The following PRKAG2 variants were observed in gnomAD, a reference collection of about 807,000 sequenced individuals.
PRKAG2 encodes protein kinase AMP-activated non-catalytic subunit gamma 2.
Under a neutral mutation model 69.6 loss-of-function variants are expected in PRKAG2, and 26 were observed. The observed-to-expected ratio is 0.37, with a 90% CI of 0.27 to 0.52. The LOEUF (loss-of-function observed/expected upper bound fraction) is 0.52. Among genes scored for constraint, PRKAG2 ranks in the 20% least tolerant of loss-of-function variants. The probability of loss-of-function intolerance (pLI) is 0.90; values close to 1 mark genes in which losing one functional copy is unlikely to be tolerated. For missense variants in PRKAG2, 557 were observed against 740.0 expected, an observed-to-expected ratio of 0.75 and a Z score of 2.87; for synonymous variants, 293 against 285.0, an observed-to-expected ratio of 1.03 and a Z score of -0.28.
intron 2 of PRKAG2, among the ~76,000 whole-genome samples, chr7:151,785,306 A>G (rs968064623): frequency 1.3e-5 from 2 of 152,224 alleles, no homozygotes; most frequent in Admixed American, 6.5e-5. Context: ...GGTTTTGCAG[A>G]GTCAAACAGG....
intron 1 of PRKAG2, among the ~76,000 whole-genome samples, chr7:151,865,359 C>G (rs1422257024): frequency 6.6e-6 from 1 of 152,262 alleles, no homozygotes; most frequent in Non-Finnish European, 1.5e-5. Flanking sequence ...CAAGCCAGCC[C>G]CAACCACGAG....
chr7:151,707,000 AGAG>A (rs1300470664), intron 3 of PRKAG2, among the ~76,000 whole-genome samples: 3 of 152,244 alleles, frequency 2.0e-5, no homozygotes, highest in African/African-American at 7.2e-5. Context: ...GCAGTCATGC[AGAG>A]GAGGCCTTCC....
At chr7:151,701,022 C>G (rs1304394367) in intron 3 of PRKAG2, among the ~76,000 whole-genome samples, 1 of 152,204 alleles carries the variant, frequency 6.6e-6, no homozygotes, top group Non-Finnish European at 1.5e-5. Flanking sequence ...GTGCTGCACA[C>G]ACGAGCACCC....
intron 4 of PRKAG2, among the ~76,000 whole-genome samples, chr7:151,648,865 A>C (rs1302549310): frequency 1.3e-5 from 2 of 151,910 alleles, no homozygotes; most frequent in African/African-American, 4.8e-5. Context: ...AAAAAACAGA[A>C]AGAAAGGGGA....
chr7:151,750,269 A>T (rs1344347382), intron 3 of PRKAG2, among the ~76,000 whole-genome samples: 1 of 152,210 alleles, frequency 6.6e-6, no homozygotes, highest in Non-Finnish European at 1.5e-5. Context: ...GTATATACCC[A>T]AGAGAACTGC....
At chr7:151,657,123 T>G (rs1262327818) in intron 4 of PRKAG2, among the ~76,000 whole-genome samples, 2 of 137,828 alleles carry the variant, frequency 1.5e-5, no homozygotes, top group African/African-American at 5.5e-5. Flanking sequence ...GGCGACACAG[T>G]GAGACTCCAT....
chr7:151,631,950 C>T, intron 5 of PRKAG2, 119 bp downstream of exon 5: 1 of 1,019,670 alleles, frequency 9.8e-7, no homozygotes, highest in Non-Finnish European at 1.2e-6. Flanking sequence ...TGGGCTTCCG[C>T]AGGACGCAGC....
At chr7:151,602,727 T>C (rs2151173197) in intron 5 of PRKAG2, among the ~76,000 whole-genome samples, 1 of 152,318 alleles carries the variant, frequency 6.6e-6, no homozygotes, top group Admixed American at 6.5e-5. Flanking sequence ...GTAGTTCCCA[T>C]AATCCCCACG....
chr7:151,741,558 C>G (rs943291350), intron 3 of PRKAG2, among the ~76,000 whole-genome samples: 1 of 151,938 alleles, frequency 6.6e-6, no homozygotes, highest in African/African-American at 2.4e-5. Context: ...GCCTGTAACC[C>G]CAGCTATTAG....
rs116749403 is a variant in PRKAG2 at position 151,869,895 on chromosome 7, G to A, written c.114+6612C>T. On this transcript the variant is annotated intron_variant, in intron 1 of 15. Coordinates refer to ENST00000287878, the MANE Select transcript of PRKAG2 (RefSeq NM_016203.4). ...CCATAGCATACTCTGGGCCCTATTG[G>A]AGCTTACGGCAGGGCATCTAAGATG... is the stretch of plus-strand genomic sequence containing the variant. Among the ~76,000 whole-genome samples, 231 of 152,310 alleles carry A rather than the reference G, an allele frequency of 1.5e-3. 1 individual carries two copies. Among genetic ancestry groups the A allele is most frequent in the African/African-American group, 5.1e-3 (212 of 41,572 alleles).
At position 151,807,854 on chromosome 7, in the gene PRKAG2, G is replaced by C. The variant is rs900529749; in HGVS notation, c.115-21313C>G. ...AAGAGATAAATCTGGATGCGGTGGA[G>C]ACAACGGCCAAACAGAAAAACCGCT... is the stretch of plus-strand genomic sequence containing the variant. On this transcript the variant is annotated intron_variant, in intron 1 of 15. Transcript: ENST00000287878. This position sits in a 1 kb window ranked among gnomAD's most constrained non-coding sequence, Gnocchi z 4.4. Among the ~76,000 whole-genome samples, 1 of 152,184 alleles carries C rather than the reference G, an allele frequency of 6.6e-6. No individual in the cohort carries two copies. The highest frequency in any genetic ancestry group is 2.4e-5 in the African/African-American group (1 of 41,432).
In PRKAG2 at chr7:151,574,892, A is replaced by G. The variant is rs730880978; in HGVS notation, c.1004T>C (p.Met335Thr). The G allele has an allele frequency of 6.2e-7, 1 of 1,613,664 alleles. No homozygotes were observed. Among genetic ancestry groups the G allele is most frequent in the Non-Finnish European group, 8.5e-7 (1 of 1,179,744 alleles). ...GACATAGGAACTGGTGCCACTTACC[A>G]TAGGTGATTTATAGTATCTATGTAG... is the stretch of plus-strand genomic sequence containing the variant. ...NILHRYYKSP[M>T]VQIYELEEHK... is the part of the protein sequence containing the mutation. The change falls in exon 8 of 16, where the codon ATG (methionine) becomes ACG (threonine). Residue 335 changes from methionine to threonine, a missense_variant and splice_region_variant. Coordinates refer to ENST00000287878, the MANE Select transcript of PRKAG2 (RefSeq NM_016203.4).
At chr7:151,593,617 T>C (rs1813757967) in intron 6 of PRKAG2, among the ~76,000 whole-genome samples, 2 of 152,314 alleles carry the variant, frequency 1.3e-5, no homozygotes, top group African/African-American at 4.8e-5. Flanking sequence ...TTCCTTTATT[T>C]TGGGAATTCA....
At chr7:151,720,469 C>T (rs1586043087) in intron 3 of PRKAG2, among the ~76,000 whole-genome samples, 1 of 151,718 alleles carries the variant, frequency 6.6e-6, no homozygotes, top group East Asian at 1.9e-4. Context: ...TGTGTTCTTA[C>T]TGCTATTTGT....
intron 3 of PRKAG2, among the ~76,000 whole-genome samples, chr7:151,724,602 G>A (rs1360657863): frequency 6.6e-6 from 1 of 152,110 alleles, no homozygotes; most frequent in Non-Finnish European, 1.5e-5. Flanking sequence ...CCTCCCAGGC[G>A]CTCCCTCCCG....
intron 1 of PRKAG2, among the ~76,000 whole-genome samples, chr7:151,822,964 C>T (rs1185137944): frequency 2.0e-5 from 3 of 152,204 alleles, no homozygotes; most frequent in Non-Finnish European, 4.4e-5. Flanking sequence ...CCGCCAAGCC[C>T]GGCTCTATCA....
At chr7:151,661,704 C>T (rs776017423) in intron 4 of PRKAG2, among the ~76,000 whole-genome samples, 5 of 152,166 alleles carry the variant, frequency 3.3e-5, no homozygotes, top group East Asian at 1.9e-4. Flanking sequence ...CACAACCCTT[C>T]GAAACAGGTT....
intron 4 of PRKAG2, 137 bp downstream of exon 4, chr7:151,675,283 T>C (rs1832729378): frequency 1.1e-6 from 1 of 870,116 alleles, no homozygotes. Context: ...CTGTGATTTA[T>C]GGTACAATAT....
intron 1 of PRKAG2, among the ~76,000 whole-genome samples, chr7:151,838,640 G>A (rs149173807): frequency 6.6e-6 from 1 of 151,234 alleles, no homozygotes; most frequent in African/African-American, 2.4e-5. Flanking sequence ...CAGGGAAGTC[G>A]AGGCTGCAGT....
Sources: allele counts gnomAD v4.1 joint callset (sites outside exome capture counted in the v4.1 genomes callset), GRCh38; gene constraint gnomAD v4.1.1; non-coding constraint Gnocchi (gnomAD v3.1); transcripts MANE v1.5; gene names NCBI Gene and HGNC (gene_info 2026-07-23, HGNC 2026-07-21).